Variants in FANCB observed in about 807,000 individuals in gnomAD.
FANCB encodes Fanconi anemia group B protein.
In FANCB, 5 loss-of-function variants were observed where a neutral mutation model predicts 38.9. The ratio of observed to expected loss-of-function variants is 0.13; its 90% confidence interval spans 0.07 to 0.27. The LOEUF is 0.27. Ranked by LOEUF, FANCB falls within the 10% of genes least tolerant of loss-of-function variation. The pLI, the probability that FANCB is intolerant of heterozygous loss-of-function variation, is 1.00. For missense variants in FANCB, 573 were observed against 602.7 expected, an observed-to-expected ratio of 0.95 and a Z score of 0.52; for synonymous variants, 236 against 215.4, an observed-to-expected ratio of 1.10 and a Z score of -0.84.
At chrX:14,798,294 C>G in the FANCB span, among the ~76,000 whole-genome samples, 1 of 110,239 alleles carries the variant, frequency 9.1e-6, no homozygotes, top group Admixed American at 9.6e-5. Context: ...TCCCAAGTAG[C>G]TGGGACTACA....
chrX:14,771,701 G>C, the FANCB span, among the ~76,000 whole-genome samples: 1 of 112,224 alleles, frequency 8.9e-6, no homozygotes, highest in African/African-American at 3.2e-5. Flanking sequence ...CAGTGATTTG[G>C]AATAGAAGAG....
Position 14,844,629 on chromosome X carries a change from A to T in FANCB, c.2039T>A (p.Met680Lys). 8.3e-7 allele frequency: 1 copy of T among 1,208,851 alleles called. No individual in the cohort carries two copies. Among genetic ancestry groups the T allele is most frequent in the Non-Finnish European group, 1.1e-6 (1 of 892,928 alleles). Residue 680 changes from methionine to lysine, a missense_variant, in exon 9 of 10, where the codon ATG becomes AAG. Coordinates refer to ENST00000650831, the MANE Select transcript of FANCB (RefSeq NM_001018113.3). Reference sequence around the variant, plus strand: ...AAATTCTTTGATTATTTCACATTTCATATGTTCTAAGAGCCACACCTTCAT... The same window carrying T: ...AAATTCTTTGATTATTTCACATTTCTTATGTTCTAAGAGCCACACCTTCAT... Reference protein sequence around the residue: ...NSMKVWLLEHMKCEIIKEFPE... With the variant: ...NSMKVWLLEHKKCEIIKEFPE...
At chrX:14,782,470 A>G in the FANCB span, among the ~76,000 whole-genome samples, 1 of 112,295 alleles carries the variant, frequency 8.9e-6, no homozygotes, top group African/African-American at 3.2e-5. Context: ...TTTTAACACG[A>G]GACTCTGACC....
At chrX:14,713,196 T>A in the FANCB span, among the ~76,000 whole-genome samples, 2 of 112,138 alleles carry the variant, frequency 1.8e-5, no homozygotes, top group Non-Finnish European at 3.8e-5. Context: ...ACTGATGCTG[T>A]TATTATTGTT....
At chrX:14,830,015 TCTTCCTTTCA>T in the FANCB span, among the ~76,000 whole-genome samples, 2 of 112,104 alleles carry the variant, frequency 1.8e-5, no homozygotes, top group East Asian at 5.6e-4. Context: ...GACATGCAAC[TCTTCCTTTCA>T]CCTGAATACT....
chrX:14,781,356 C>T, the FANCB span, among the ~76,000 whole-genome samples: 4 of 110,575 alleles, frequency 3.6e-5, no homozygotes, highest in South Asian at 1.5e-3. Flanking sequence ...ATCACTTGAA[C>T]CCAGGAGGCA....
At chrX:14,739,341 A>T in the FANCB span, among the ~76,000 whole-genome samples, 3 of 111,844 alleles carry the variant, frequency 2.7e-5, no homozygotes, top group East Asian at 5.6e-4. Flanking sequence ...CAACAGATAA[A>T]CAGAAGCTCC....
downstream of FANCB, among the ~76,000 whole-genome samples, chrX:14,835,476 A>G (rs905087249): frequency 5.4e-5 from 6 of 111,651 alleles, no homozygotes. Context: ...AGCAGTTCTC[A>G]AACTTGAGTG....
At chrX:14,835,334 T>C (rs902572082), downstream of FANCB, 6 of 460,027 alleles carry the variant, frequency 1.3e-5, no homozygotes, top group South Asian at 1.2e-4. Context: ...GGTGGCTACA[T>C]GCACTTAGGT....
chrX:14,781,644 G>T, the FANCB span, among the ~76,000 whole-genome samples: 8 of 110,892 alleles, frequency 7.2e-5, no homozygotes. Context: ...TAAAGAGGTG[G>T]TTCAAGAACT....
At chrX:14,690,948 C>A in the FANCB span, 7 of 954,272 alleles carry the variant, frequency 7.3e-6, no homozygotes, top group South Asian at 1.5e-4. Context: ...ACACAATAAG[C>A]AAGAAGCCAA....
At chrX:14,789,339 A>G in the FANCB span, among the ~76,000 whole-genome samples, 1,957 of 111,537 alleles carry the variant, frequency 0.018, 41 homozygotes, top group African/African-American at 0.053. Flanking sequence ...CAATTAGGCC[A>G]GTACGGTGGC....
the FANCB span, among the ~76,000 whole-genome samples, chrX:14,737,899 T>C: frequency 8.9e-6 from 1 of 112,080 alleles, no homozygotes; most frequent in Non-Finnish European, 1.9e-5. Context: ...GAGGCTAACA[T>C]GCCTCCCAAA....
chrX:14,720,884 C>A, the FANCB span, among the ~76,000 whole-genome samples: 1 of 110,842 alleles, frequency 9.0e-6, no homozygotes, highest in Non-Finnish European at 1.9e-5. Context: ...GTCATTCCAG[C>A]ATTTTAGGAG....
chrX:14,709,617 A>G, the FANCB span, among the ~76,000 whole-genome samples: 2 of 112,414 alleles, frequency 1.8e-5, no homozygotes, highest in Non-Finnish European at 3.8e-5. Context: ...AAATGGTTGC[A>G]GGGAAAGCAT....
At chrX:14,828,086 A>G in the FANCB span, among the ~76,000 whole-genome samples, 3 of 112,428 alleles carry the variant, frequency 2.7e-5, no homozygotes, top group East Asian at 8.3e-4. Context: ...CATAATATAT[A>G]TAATACATTA....
At chrX:14,818,222 C>G in the FANCB span, among the ~76,000 whole-genome samples, 2 of 109,202 alleles carry the variant, frequency 1.8e-5, no homozygotes, top group Non-Finnish European at 3.8e-5. Context: ...CTATGGAAAG[C>G]AGTAGGGAGA....
the FANCB span, among the ~76,000 whole-genome samples, chrX:14,805,575 C>T: frequency 9.0e-6 from 1 of 111,560 alleles, no homozygotes; most frequent in African/African-American, 3.3e-5. Context: ...CCCATCAATC[C>T]CACCTTCTGA....
the FANCB span, among the ~76,000 whole-genome samples, chrX:14,788,755 G>T: frequency 7.1e-5 from 8 of 111,988 alleles, no homozygotes; most frequent in Non-Finnish European, 1.1e-4. Context: ...CATTTGAAGG[G>T]CTCAAGAGCC....
Sources: allele counts gnomAD v4.1 joint callset (sites outside exome capture counted in the v4.1 genomes callset), GRCh38; gene constraint gnomAD v4.1.1; transcripts MANE v1.5; gene names NCBI Gene and HGNC (gene_info 2026-07-23, HGNC 2026-07-21).